ANKRD11: variants seen among roughly 807,000 people sequenced by gnomAD.
The protein encoded by ANKRD11 is ankyrin repeat domain-containing protein 11.
ANKRD11 carries 17 observed loss-of-function variants against 195.7 expected under a neutral mutation model. That is an observed-to-expected ratio of 0.09 (90% CI 0.06 to 0.13). ANKRD11 has a LOEUF of 0.13. ANKRD11 is among the 10% of genes least tolerant of loss of function. ANKRD11 has a pLI of 1.00. For missense variants in ANKRD11, 3,735 were observed against 3,566.1 expected, an observed-to-expected ratio of 1.05 and a Z score of -1.21; for synonymous variants, 1,953 against 1,528.1, an observed-to-expected ratio of 1.28 and a Z score of -6.49.
chr16:89,313,112 C>T (rs1295770281), intron 3 of ANKRD11, among the ~76,000 whole-genome samples: 1 of 152,192 alleles, frequency 6.6e-6, no homozygotes, highest in African/African-American at 2.4e-5. Context: ...AATGTGGGTT[C>T]CTAACAAGCT....
intron 1 of ANKRD11, among the ~76,000 whole-genome samples, chr16:89,441,545 A>C (rs1469966531): frequency 1.3e-5 from 2 of 152,110 alleles, no homozygotes; most frequent in Non-Finnish European, 2.9e-5. Context: ...AGGCGGGCGG[A>C]TCACGAGGTC....
chr16:89,271,020 G>T, intron 11 of ANKRD11, 111 bp from the exon 12 acceptor site: 1 of 980,984 alleles, frequency 1.0e-6, no homozygotes, highest in Non-Finnish European at 1.6e-6. Flanking sequence ...AACCACAGGG[G>T]GAGCCTCATT....
intron 2 of ANKRD11, among the ~76,000 whole-genome samples, chr16:89,350,581 T>C (rs2039163712): frequency 6.6e-6 from 1 of 152,064 alleles, no homozygotes; most frequent in Non-Finnish European, 1.5e-5. Flanking sequence ...CATATTAAAT[T>C]CTAGTAAAGC....
chr16:89,429,524 G>A lies in ANKRD11; in HGVS notation c.-144-11156C>T, dbSNP rs2042887001. ...CACAGCAGGGACTCTCAACTCTCAG[G>A]CTCAGACGTTCTAGTACACAGCAGG... On this transcript the variant is annotated intron_variant, in intron 1 of 12. Transcript: ENST00000301030. 3.5e-5 allele frequency among the ~76,000 whole-genome samples: 2 copies of A among 57,532 alleles called. 1 individual carries two copies. Among genetic ancestry groups the A allele is most frequent in the Non-Finnish European group, 7.1e-5 (2 of 28,224 alleles). 37.7% of individuals were successfully genotyped at this position (57,532 alleles called of 152,430 possible).
At chr16:89,372,619 T>C (rs2040243624) in intron 2 of ANKRD11, among the ~76,000 whole-genome samples, 2 of 152,168 alleles carry the variant, frequency 1.3e-5, no homozygotes, top group Admixed American at 1.3e-4. Flanking sequence ...AATACTGAAA[T>C]TAAAAAATGT....
In ANKRD11 at chr16:89,418,087, T is replaced by G. The variant is rs116308914; in HGVS notation, c.-60+197A>C. 3.5e-3 allele frequency among the ~76,000 whole-genome samples: 529 copies of G among 152,338 alleles called. 4 individuals carry two copies. The highest frequency in any genetic ancestry group is 0.012 in the African/African-American group (508 of 41,572). On this transcript the variant is annotated intron_variant, in intron 2 of 12. Coordinates refer to ENST00000301030, the MANE Select transcript of ANKRD11 (RefSeq NM_013275.6). ...CTCACTGTGACACCAAGGATCCCAT[T>G]CATTAATCCAAAAATGCTTACCTGT...
chr16:89,417,528 A>C (rs778545155), intron 2 of ANKRD11, among the ~76,000 whole-genome samples: 4 of 152,140 alleles, frequency 2.6e-5, no homozygotes, highest in Non-Finnish European at 5.9e-5. Context: ...TCCTCTCAAA[A>C]AACATGCCAG....
chr16:89,328,712 C>T (rs548504875), intron 2 of ANKRD11, among the ~76,000 whole-genome samples: 371 of 146,188 alleles, frequency 2.5e-3, no homozygotes, highest in Non-Finnish European at 4.2e-3. Context: ...TCAGTGGAGG[C>T]CCCTGCTGAG....
chr16:89,317,073 C>A lies in ANKRD11; in HGVS notation c.-54G>T. 6.4e-7 allele frequency: 1 copy of A among 1,561,310 alleles called. No homozygotes were observed. Among genetic ancestry groups the A allele is most frequent in the Non-Finnish European group, 8.7e-7 (1 of 1,147,060 alleles). Reference sequence around the variant, plus strand: ...ACACGGCCGGCGCTTCATCATCAACCGTCTGCTTCAAAAGAGAAGACACAC... The same window carrying A: ...ACACGGCCGGCGCTTCATCATCAACAGTCTGCTTCAAAAGAGAAGACACAC... On this transcript the variant is annotated 5_prime_UTR_variant, in exon 3 of 13. Coordinates refer to ENST00000301030, the MANE Select transcript of ANKRD11 (RefSeq NM_013275.6).
At chr16:89,377,131 G>A (rs1184998332) in intron 2 of ANKRD11, among the ~76,000 whole-genome samples, 1 of 152,184 alleles carries the variant, frequency 6.6e-6, no homozygotes, top group African/African-American at 2.4e-5. Context: ...CCAGAACCCC[G>A]TGAGTTCAAC....
At chr16:89,440,649 A>G (rs12446911) in intron 1 of ANKRD11, among the ~76,000 whole-genome samples, 2 of 152,162 alleles carry the variant, frequency 1.3e-5, no homozygotes, top group Admixed American at 1.3e-4. Context: ...AGGGAAAGGA[A>G]GAAAGCATAA....
At chr16:89,286,336 G>T in intron 7 of ANKRD11, 150 bp from the exon 8 acceptor site, 1 of 1,144,310 alleles carries the variant, frequency 8.7e-7, no homozygotes. Context: ...CGAGCGCCCA[G>T]GGACTGCCTG....
intron 1 of ANKRD11, among the ~76,000 whole-genome samples, chr16:89,460,629 T>A (rs958333516): frequency 6.6e-6 from 1 of 152,068 alleles, no homozygotes; most frequent in Non-Finnish European, 1.5e-5. Flanking sequence ...CTCAGCACTA[T>A]GGAAGGTTGA....
chr16:89,416,301 A>AT (rs553448010), intron 2 of ANKRD11, among the ~76,000 whole-genome samples: 60 of 146,768 alleles, frequency 4.1e-4, no homozygotes, highest in East Asian at 1.8e-3. Context: ...GAATCCATCG[A>AT]TTTTTTTTTT....
intron 2 of ANKRD11, among the ~76,000 whole-genome samples, chr16:89,377,968 C>T (rs929192644): frequency 6.6e-6 from 1 of 151,800 alleles, no homozygotes; most frequent in African/African-American, 2.4e-5. Context: ...GAGAAGTAAA[C>T]ATATTTTCTC....
chr16:89,304,361 G>T (rs537589017), intron 4 of ANKRD11, among the ~76,000 whole-genome samples: 45 of 147,680 alleles, frequency 3.0e-4, no homozygotes, highest in African/African-American at 1.1e-3. Context: ...CGCATACACA[G>T]GCATGCACAT....
intron 3 of ANKRD11, 27 bp downstream of exon 3, chr16:89,316,906 T>G (rs1222024922): frequency 3.1e-6 from 5 of 1,609,620 alleles, no homozygotes; most frequent in Non-Finnish European, 4.2e-6. Flanking sequence ...GCGGTGAGCA[T>G]GCAGGGCTGG....
intron 1 of ANKRD11, among the ~76,000 whole-genome samples, chr16:89,449,622 C>T (rs150677893): frequency 2.5e-3 from 380 of 151,884 alleles, no homozygotes; most frequent in African/African-American, 8.0e-3. Flanking sequence ...GGAGAAACCC[C>T]GTCTCTACTA....
At chr16:89,441,782 A>AAAAAAC (rs1332310024) in intron 1 of ANKRD11, among the ~76,000 whole-genome samples, 2 of 149,670 alleles carry the variant, frequency 1.3e-5, no homozygotes, top group Admixed American at 6.6e-5. Context: ...AAAAAAAAAA[A>AAAAAAC]AAAAAAAAAA....
Sources: gnomAD v4.1 joint callset for allele counts (sites outside exome capture counted in the v4.1 genomes callset) on GRCh38, gnomAD v4.1.1 for gene constraint, MANE v1.5 for transcripts, NCBI Gene and HGNC (gene_info 2026-07-23, HGNC 2026-07-21) for gene names.